Variants in SYNJ2 observed in about 807,000 individuals in gnomAD.
SYNJ2 encodes the protein polyphosphatidylinositol phosphatase SYNJ2.
In SYNJ2, 116 loss-of-function variants were observed where a neutral mutation model predicts 141.3. The ratio of observed to expected loss-of-function variants is 0.82; its 90% confidence interval spans 0.71 to 0.96. The LOEUF (loss-of-function observed/expected upper bound fraction) is 0.96, where lower values mean the gene tolerates loss of function less well. Ranked by LOEUF, SYNJ2 falls within the 40% of genes least tolerant of loss-of-function variation. The pLI, the probability that SYNJ2 is intolerant of heterozygous loss-of-function variation, is 0.00. For synonymous variants in SYNJ2, 745 were observed against 777.7 expected (o/e 0.96, Z 0.70); for missense variants, 1,873 against 1,934.8 (o/e 0.97, Z 0.60).
chr6:158,078,455 A>G (rs1782462518), intron 18 of SYNJ2, 174 bp downstream of exon 18: 2 of 449,590 alleles, frequency 4.4e-6, no homozygotes, highest in Non-Finnish European at 7.9e-6. Flanking sequence ...CTGTGGACCC[A>G]CCACCAAGAA....
intron 3 of SYNJ2, among the ~76,000 whole-genome samples, chr6:158,030,109 C>T (rs1779284186): frequency 6.6e-6 from 1 of 152,182 alleles, no homozygotes; most frequent in African/African-American, 2.4e-5. Flanking sequence ...TCTCCTGGTG[C>T]TTTTTCACTC....
chr6:158,036,735 T>C (rs992601199), intron 4 of SYNJ2, among the ~76,000 whole-genome samples: 1 of 152,178 alleles, frequency 6.6e-6, no homozygotes, highest in Admixed American at 6.5e-5. Context: ...AACATGCGTT[T>C]ACCTATGTAA....
At chr6:158,074,880 G>A (rs1782169855) in intron 16 of SYNJ2, 142 bp downstream of exon 16, 3 of 1,003,314 alleles carry the variant, frequency 3.0e-6, no homozygotes, top group Non-Finnish European at 2.9e-6. Flanking sequence ...GTGGGCTTGT[G>A]AGGTTACAGT....
chr6:158,071,248 T>A lies in SYNJ2; in HGVS notation c.1941-354T>A, dbSNP rs36071748. Among the ~76,000 whole-genome samples, 12,477 of 152,218 alleles carry A rather than the reference T, an allele frequency of 0.082. 568 individuals carry two copies. The highest frequency in any genetic ancestry group is 0.11 in the Middle Eastern group (32 of 294). ...ATGACACCTCCCATGCATGGCGTGA[T>A]GGCTGCACAGGAGTGGGGTGGGCTG... On this transcript the variant is annotated intron_variant, in intron 14 of 26. Transcript: ENST00000355585. This position sits in a 1 kb window ranked among gnomAD's most constrained non-coding sequence, Gnocchi z 4.3.
chr6:158,073,620 G>C (rs1381670538), intron 15 of SYNJ2, among the ~76,000 whole-genome samples: 1 of 152,212 alleles, frequency 6.6e-6, no homozygotes, highest in Admixed American at 6.5e-5. Flanking sequence ...CAGTGAGAAT[G>C]ATCAGTATCC....
chr6:158,066,392 T>C, intron 11 of SYNJ2, 52 bp from the exon 12 acceptor site: 1 of 1,603,292 alleles, frequency 6.2e-7, no homozygotes, highest in Non-Finnish European at 8.5e-7. Context: ...TTTTGGAGGA[T>C]GCCTGAGCTT....
intron 5 of SYNJ2, among the ~76,000 whole-genome samples, chr6:158,047,327 C>A (rs1390501123): frequency 2.0e-5 from 3 of 152,106 alleles, no homozygotes; most frequent in African/African-American, 7.2e-5. Flanking sequence ...TTTGAAGCGA[C>A]GCAGACCTGG....
chr6:158,015,437 A>T (rs1424154003), intron 1 of SYNJ2, among the ~76,000 whole-genome samples: 1 of 152,208 alleles, frequency 6.6e-6, no homozygotes, highest in African/African-American at 2.4e-5. Context: ...CTCTGTGCAT[A>T]GGATTTGAGG....
rs778772580 is a variant in SYNJ2 at position 158,096,287 on chromosome 6, T to G, written c.4414T>G (p.Leu1472Val). 3.1e-6 allele frequency: 5 copies of G among 1,614,074 alleles called. No individual in the cohort carries two copies. The South Asian group carries it at 4.4e-5, about 14-fold the overall frequency. The change falls in exon 27 of 27, where the codon TTA (leucine) becomes GTA (valine). Residue 1472 changes from leucine to valine, a missense_variant. Leu to Val is a conservative substitution (Grantham distance 32). Transcript: ENST00000355585. Reference sequence around the variant, plus strand: ...GCCACCAGATCATGAACACAAAACCTTAGGTCACTGGGTGACAATCAGTGA... The same window carrying G: ...GCCACCAGATCATGAACACAAAACCGTAGGTCACTGGGTGACAATCAGTGA... The part of the protein sequence containing the change: ...ELPPDHEHKT[L>V]GHWVTISDQE...
chr6:158,044,504 C>T (rs1780132101), intron 5 of SYNJ2, among the ~76,000 whole-genome samples: 1 of 152,194 alleles, frequency 6.6e-6, no homozygotes, highest in Admixed American at 6.5e-5. Flanking sequence ...GAGCGCACCA[C>T]ACTGCACGAG....
intron 1 of SYNJ2, among the ~76,000 whole-genome samples, chr6:157,998,120 G>C (rs1777703698): frequency 6.6e-6 from 1 of 152,252 alleles, no homozygotes; most frequent in South Asian, 2.1e-4. Context: ...GCAGGATGCT[G>C]CCTGCTGCTC....
intron 11 of SYNJ2, among the ~76,000 whole-genome samples, chr6:158,066,142 T>C (rs1781548217): frequency 6.6e-6 from 1 of 152,200 alleles, no homozygotes; most frequent in Non-Finnish European, 1.5e-5. Context: ...GGCTTTTCCC[T>C]GTCGTGTCTG....
At chr6:158,003,806 G>A (rs766153066) in intron 1 of SYNJ2, among the ~76,000 whole-genome samples, 2 of 151,634 alleles carry the variant, frequency 1.3e-5, no homozygotes, top group African/African-American at 4.8e-5. Flanking sequence ...TCTGACCCAC[G>A]GAGCTCTGTT....
At chr6:158,072,391 C>T (rs1228061011) in intron 15 of SYNJ2, among the ~76,000 whole-genome samples, 2 of 152,246 alleles carry the variant, frequency 1.3e-5, no homozygotes, top group African/African-American at 4.8e-5. Flanking sequence ...CTTTTCAAAT[C>T]TAGACGTTAA....
chr6:158,087,302 C>T (rs1373214565), intron 23 of SYNJ2, among the ~76,000 whole-genome samples: 1 of 152,180 alleles, frequency 6.6e-6, no homozygotes, highest in East Asian at 1.9e-4. Context: ...ATGGGAGGGA[C>T]GTGAGCTTCG....
At chr6:158,050,000 G>A (rs1008465250) in intron 5 of SYNJ2, among the ~76,000 whole-genome samples, 2 of 152,098 alleles carry the variant, frequency 1.3e-5, no homozygotes, top group African/African-American at 2.4e-5. Flanking sequence ...ACCCGGCTCT[G>A]CAGGTATGGA....
chr6:158,022,016 G>T (rs981953210), intron 2 of SYNJ2, among the ~76,000 whole-genome samples: 2 of 152,254 alleles, frequency 1.3e-5, no homozygotes, highest in South Asian at 2.1e-4. Flanking sequence ...TGTGGCCGCC[G>T]CTGCCTACAC....
chr6:158,017,643 G>A (rs116350012), intron 2 of SYNJ2: 258 of 438,842 alleles, frequency 5.9e-4, no homozygotes, highest in African/African-American at 4.7e-3. Context: ...CTGAAACTCC[G>A]ACCTCAGGTG....
rs1783797626 is a variant in SYNJ2 at position 158,096,286 on chromosome 6, C to T, written c.4413C>T (p.Thr1471=). 3 of 1,614,132 alleles carry T rather than the reference C, an allele frequency of 1.9e-6. No homozygotes were observed. Among genetic ancestry groups the T allele is most frequent in the Non-Finnish European group, 2.5e-6 (3 of 1,180,032 alleles). The change falls in exon 27 of 27, where the codon ACC becomes ACT. Residue 1471 remains threonine, a synonymous_variant. Coordinates refer to ENST00000355585, the MANE Select transcript of SYNJ2 (RefSeq NM_003898.4). ...TGCCACCAGATCATGAACACAAAAC[C>T]TTAGGTCACTGGGTGACAATCAGTG... The part of the protein sequence containing the change: ...AELPPDHEHK[T]LGHWVTISDQ...
Sources: allele counts gnomAD v4.1 joint callset (sites outside exome capture counted in the v4.1 genomes callset), GRCh38; gene constraint gnomAD v4.1.1; non-coding constraint Gnocchi (gnomAD v3.1); transcripts MANE v1.5; gene names NCBI Gene and HGNC (gene_info 2026-07-23, HGNC 2026-07-21).